Variants in PATJ observed in about 807,000 individuals in gnomAD.
The protein encoded by PATJ is PATJ crumbs cell polarity complex component.
In PATJ, 190 loss-of-function variants were observed where a neutral mutation model predicts 224.9. That is an observed-to-expected ratio of 0.84 (90% confidence interval 0.75 to 0.95). PATJ has a LOEUF of 0.95. Ranked by LOEUF, PATJ falls within the 40% of genes least tolerant of loss-of-function variation. The pLI is 0.00. For synonymous variants in PATJ, 769 were observed against 820.3 expected, an observed-to-expected ratio of 0.94 and a Z score of 1.07; for missense variants, 2,121 against 2,270.3, an observed-to-expected ratio of 0.93 and a Z score of 1.34.
intron 42 of PATJ, among the ~76,000 whole-genome samples, 190 bp from the exon 43 acceptor site, chr1:62,153,168 G>A (rs1480977547): frequency 6.6e-6 from 1 of 152,174 alleles, no homozygotes; most frequent in Admixed American, 6.5e-5. Context: ...AAGAATATTG[G>A]TGATTAATTA....
intron 33 of PATJ, among the ~76,000 whole-genome samples, chr1:62,099,522 C>T (rs1661877464): frequency 6.6e-6 from 1 of 151,576 alleles, no homozygotes; most frequent in Non-Finnish European, 1.5e-5. Context: ...TTAAAATGTC[C>T]CTTAGGATTT....
chr1:62,061,650 G>T (rs1655460520), intron 31 of PATJ, among the ~76,000 whole-genome samples: 1 of 151,996 alleles, frequency 6.6e-6, no homozygotes. Context: ...AGCATTTCAT[G>T]TGTATGCACC....
intron 27 of PATJ, among the ~76,000 whole-genome samples, chr1:61,933,940 ATT>A (rs370351153): frequency 7.0e-6 from 1 of 143,732 alleles, no homozygotes; most frequent in African/African-American, 2.5e-5. Context: ...GTTCCTTTAC[ATT>A]TTTTTTTTTT....
intron 41 of PATJ, among the ~76,000 whole-genome samples, chr1:62,133,530 G>A (rs1044547662): frequency 5.3e-5 from 8 of 152,146 alleles, no homozygotes; most frequent in African/African-American, 1.4e-4. Flanking sequence ...TGCAGTAGCC[G>A]AGATTGCACC....
intron 1 of PATJ, among the ~76,000 whole-genome samples, chr1:61,746,310 C>T (rs886975298): frequency 7.2e-5 from 11 of 152,146 alleles, no homozygotes; most frequent in African/African-American, 1.4e-4. Context: ...AACTCCTGGT[C>T]CAAGCCGTCC....
At chr1:62,038,483 GTAGA>G (rs971157313) in intron 30 of PATJ, 3 of 159,520 alleles carry the variant, frequency 1.9e-5, no homozygotes, top group African/African-American at 4.8e-5. Flanking sequence ...AGCTTCTGGA[GTAGA>G]TAGATAAAGA....
intron 27 of PATJ, among the ~76,000 whole-genome samples, chr1:61,949,463 A>G (rs2149377591): frequency 6.6e-6 from 1 of 152,360 alleles, no homozygotes; most frequent in Middle Eastern, 3.4e-3. Context: ...AGTGAATTTT[A>G]TAGTGTGCAA....
intron 1 of PATJ, among the ~76,000 whole-genome samples, chr1:61,750,626 G>A (rs1002602303): frequency 1.3e-5 from 2 of 151,890 alleles, no homozygotes; most frequent in African/African-American, 4.8e-5. Context: ...TTTGAGTAGA[G>A]ACGGGGGTTT....
chr1:61,974,617 C>CTTTT (rs1557972795), intron 27 of PATJ, among the ~76,000 whole-genome samples: 3 of 151,804 alleles, frequency 2.0e-5, no homozygotes, highest in African/African-American at 7.3e-5. Flanking sequence ...AACAAACAAA[C>CTTTT]GGGCTTTCTG....
At chr1:61,890,884 C>T (rs898358640) in intron 22 of PATJ, among the ~76,000 whole-genome samples, 1 of 152,064 alleles carries the variant, frequency 6.6e-6, no homozygotes, top group South Asian at 2.1e-4. Flanking sequence ...ATGCATTTAA[C>T]AGGCTTAATA....
intron 8 of PATJ, among the ~76,000 whole-genome samples, chr1:61,789,062 A>G (rs1452027055): frequency 6.6e-6 from 1 of 152,152 alleles, no homozygotes; most frequent in Non-Finnish European, 1.5e-5. Flanking sequence ...TAATGCCAGC[A>G]CTTTGGGAGG....
intron 20 of PATJ, among the ~76,000 whole-genome samples, chr1:61,869,855 G>A (rs1334778023): frequency 6.6e-6 from 1 of 152,234 alleles, no homozygotes; most frequent in Non-Finnish European, 1.5e-5. Context: ...AGGTGAGCGG[G>A]TGCAGGAGCC....
chr1:62,121,342 T>TTAAAA (rs71582664), intron 38 of PATJ, 47 bp downstream of exon 38: 250 of 846,132 alleles, frequency 3.0e-4, no homozygotes, highest in African/African-American at 2.1e-3. Flanking sequence ...TTACCCAAAT[T>TTAAAA]AAAAAAAAAA....
chr1:61,961,970 AG>A (rs1681360747), intron 27 of PATJ, among the ~76,000 whole-genome samples: 1 of 105,174 alleles, frequency 9.5e-6, no homozygotes. Flanking sequence ...ACTCCGTCTT[AG>A]AAAAAAAAAA....
intron 26 of PATJ, among the ~76,000 whole-genome samples, chr1:61,925,434 G>A (rs923422957): frequency 6.6e-6 from 1 of 152,070 alleles, no homozygotes; most frequent in African/African-American, 2.4e-5. Flanking sequence ...CTATCAGCGA[G>A]GAATTACAAG....
chr1:61,787,798 C>T lies in PATJ; in HGVS notation c.894C>T (p.Gly298=), dbSNP rs1648878892. 2 of 1,614,012 alleles carry T rather than the reference C, an allele frequency of 1.2e-6. No homozygotes were observed. The highest frequency in any genetic ancestry group is 2.7e-5 in the African/African-American group (2 of 74,920). Reference sequence around the variant, plus strand: ...GGGACCACATCTTGAAGATTGGTGGCACAAACGTGCAGGGAATGACCAGTG... The same window carrying T: ...GGGACCACATCTTGAAGATTGGTGGTACAAACGTGCAGGGAATGACCAGTG... The part of the protein sequence containing the change: ...QTGDHILKIG[G]TNVQGMTSEQ... Residue 298 remains glycine, a synonymous_variant, in exon 8 of 44, where the codon GGC becomes GGT. Coordinates refer to ENST00000642238, the MANE Select transcript of PATJ (RefSeq NM_001350145.3).
In PATJ at chr1:62,017,932, A is replaced by G. The variant is rs982187836; in HGVS notation, c.3944A>G (p.Lys1315Arg). The part of the protein sequence containing the change: ...AIIKTAPSKV[K>R]LVFIRNEDAV... ...ATTAAGACTGCCCCATCAAAGGTCA[A>G]GCTGGTTTTCATCAGGTAAGATTGC... is the stretch of plus-strand genomic sequence containing the variant. Residue 1315 changes from lysine to arginine, a missense_variant, in exon 29 of 44, where the codon AAG (lysine) becomes AGG (arginine). Transcript: ENST00000642238. 4 of 1,607,870 alleles carry G rather than the reference A, an allele frequency of 2.5e-6. No homozygotes were observed. Among genetic ancestry groups the G allele is most frequent in the Non-Finnish European group, 3.4e-6 (4 of 1,174,306 alleles).
intron 7 of PATJ, among the ~76,000 whole-genome samples, chr1:61,776,348 G>A (rs750167047): frequency 2.6e-4 from 40 of 152,134 alleles, no homozygotes; most frequent in Non-Finnish European, 5.1e-4. Context: ...TGTACTGATG[G>A]TACAAAAGCA....
intron 23 of PATJ, among the ~76,000 whole-genome samples, chr1:61,900,305 C>CT (rs1349618126): frequency 6.6e-6 from 1 of 152,054 alleles, no homozygotes; most frequent in Non-Finnish European, 1.5e-5. Flanking sequence ...TTCAGAGTTA[C>CT]TTTTTTTAAT....
Sources: allele counts gnomAD v4.1 joint callset (sites outside exome capture counted in the v4.1 genomes callset), GRCh38; gene constraint gnomAD v4.1.1; transcripts MANE v1.5; gene names NCBI Gene and HGNC (gene_info 2026-07-23, HGNC 2026-07-21).